PACRG: variants seen among roughly 807,000 people sequenced by gnomAD.
The protein encoded by PACRG is parkin coregulated.
PACRG carries 29 observed loss-of-function variants against 29.7 expected under a neutral mutation model. The ratio of observed to expected loss-of-function variants is 0.98; its 90% CI spans 0.73 to 1.33. The LOEUF is 1.33. PACRG is among the 40% of genes most tolerant of loss of function. The pLI is 0.00. For missense variants in PACRG, 279 were observed against 316.2 expected, an observed-to-expected ratio of 0.88 and a Z score of 0.89; for synonymous variants, 116 against 118.7, an observed-to-expected ratio of 0.98 and a Z score of 0.15.
intron 2 of PACRG, among the ~76,000 whole-genome samples, chr6:162,890,681 T>C (rs1794688103): frequency 6.6e-6 from 1 of 152,206 alleles, no homozygotes; most frequent in Non-Finnish European, 1.5e-5. Context: ...CCTGATTCTT[T>C]GGGTCATAGG....
chr6:162,833,283 A>G (rs1415666194), intron 2 of PACRG, among the ~76,000 whole-genome samples: 1 of 152,176 alleles, frequency 6.6e-6, no homozygotes, highest in Non-Finnish European at 1.5e-5. Flanking sequence ...ATACTTCCAT[A>G]TTTAGGCAAT....
chr6:163,094,060 AC>A (rs1814351800), intron 4 of PACRG, among the ~76,000 whole-genome samples: 1 of 152,138 alleles, frequency 6.6e-6, no homozygotes, highest in Non-Finnish European at 1.5e-5. Flanking sequence ...CTCCTTGATA[AC>A]CCTCCTTGAT....
chr6:162,999,604 A>C (rs1409339807), intron 2 of PACRG, among the ~76,000 whole-genome samples: 2 of 152,240 alleles, frequency 1.3e-5, no homozygotes, highest in African/African-American at 4.8e-5. Context: ...GTATTTCCTT[A>C]ACATTTTAGT....
intron 1 of PACRG, among the ~76,000 whole-genome samples, chr6:162,800,662 G>T (rs1785779515): frequency 6.6e-6 from 1 of 152,156 alleles, no homozygotes; most frequent in South Asian, 2.1e-4. Flanking sequence ...TGTTTCCATA[G>T]CCTGTTTGAA....
At chr6:162,966,946 T>G (rs1801088477) in intron 2 of PACRG, among the ~76,000 whole-genome samples, 1 of 152,198 alleles carries the variant, frequency 6.6e-6, no homozygotes, top group African/African-American at 2.4e-5. Context: ...ATCAAAATTA[T>G]ATGGATATTA....
At chr6:163,264,240 T>C (rs1783443984) in intron 4 of PACRG, among the ~76,000 whole-genome samples, 1 of 152,194 alleles carries the variant, frequency 6.6e-6, no homozygotes. Flanking sequence ...CTTCCCTGGA[T>C]TTTGGTGAAA....
At chr6:163,134,808 G>A (rs1176622084) in intron 4 of PACRG, among the ~76,000 whole-genome samples, 1 of 152,104 alleles carries the variant, frequency 6.6e-6, no homozygotes, top group Non-Finnish European at 1.5e-5. Context: ...CATTGAGACT[G>A]ATCTATGAAT....
intron 2 of PACRG, among the ~76,000 whole-genome samples, chr6:162,863,520 A>G (rs1464483696): frequency 1.3e-5 from 2 of 152,222 alleles, no homozygotes; most frequent in African/African-American, 2.4e-5. Context: ...ACAAAAGAGG[A>G]TGGCACTGCA....
intron 4 of PACRG, among the ~76,000 whole-genome samples, chr6:163,112,494 T>G (rs927435220): frequency 6.6e-6 from 1 of 152,094 alleles, no homozygotes; most frequent in African/African-American, 2.4e-5. Flanking sequence ...TGCAAGCCCC[T>G]CCCCCTCTGG....
Position 163,005,906 on chromosome 6 carries a change from T to TTA in PACRG, c.292-56235_292-56234dup, listed in dbSNP as rs1405093330. Among the ~76,000 whole-genome samples the TTA allele has an allele frequency of 3.4e-5, 5 of 147,412 alleles. No individual in the cohort carries two copies. In the East Asian group the frequency reaches 7.9e-4, roughly 23 times the overall value. On this transcript the variant is annotated intron_variant, in intron 2 of 4. Transcript: ENST00000366888. ...TATATATACAACGTAGTTATACGTG[T>TTA]TATATATATAACATGTATATATATA...
At chr6:163,211,566 C>T (rs1189325594) in intron 4 of PACRG, among the ~76,000 whole-genome samples, 2 of 151,906 alleles carry the variant, frequency 1.3e-5, no homozygotes, top group Non-Finnish European at 2.9e-5. Context: ...TTTACAGAAG[C>T]CTTTGGACAA....
At chr6:162,754,270 T>G (rs1283092632) in intron 1 of PACRG, among the ~76,000 whole-genome samples, 1 of 152,206 alleles carries the variant, frequency 6.6e-6, no homozygotes, top group Non-Finnish European at 1.5e-5. Flanking sequence ...TTGTCAGCCA[T>G]TTGTATCTCT....
chr6:162,751,161 T>C (rs866907256), intron 1 of PACRG, among the ~76,000 whole-genome samples: 1 of 152,126 alleles, frequency 6.6e-6, no homozygotes, highest in Non-Finnish European at 1.5e-5. Context: ...TGATTTTTTT[T>C]TTTACTCTTT....
intron 4 of PACRG, among the ~76,000 whole-genome samples, chr6:163,154,828 A>G (rs1778246031): frequency 1.3e-5 from 2 of 152,184 alleles, no homozygotes. Context: ...TCACACATAC[A>G]TGGTCTATGT....
intron 2 of PACRG, among the ~76,000 whole-genome samples, chr6:163,040,127 G>T (rs975775791): frequency 2.0e-5 from 3 of 152,330 alleles, no homozygotes; most frequent in African/African-American, 7.2e-5. Flanking sequence ...ATGGCATCCT[G>T]CATCCCAGCT....
chr6:162,972,913 T>A (rs1023449537), intron 2 of PACRG, among the ~76,000 whole-genome samples: 3 of 152,248 alleles, frequency 2.0e-5, no homozygotes, highest in African/African-American at 7.2e-5. Context: ...ATGTTCATTA[T>A]GGCATTTAGG....
chr6:162,768,468 T>C (rs1359380006), intron 1 of PACRG, among the ~76,000 whole-genome samples: 3 of 152,142 alleles, frequency 2.0e-5, no homozygotes. Flanking sequence ...TTAGAAACAT[T>C]ATTTATTGCA....
chr6:162,757,987 C>T (rs971508226), intron 1 of PACRG, among the ~76,000 whole-genome samples: 16 of 152,106 alleles, frequency 1.1e-4, no homozygotes, highest in African/African-American at 2.6e-4. Context: ...GTCAATAGTA[C>T]GAAAGTCTGA....
intron 3 of PACRG, among the ~76,000 whole-genome samples, chr6:163,074,521 G>A (rs554707556): frequency 1.3e-5 from 2 of 151,854 alleles, no homozygotes; most frequent in Non-Finnish European, 2.9e-5. Context: ...AGTTGAAAAC[G>A]ACTTAATCAT....
Sources: gnomAD v4.1 joint callset for allele counts (sites outside exome capture counted in the v4.1 genomes callset) on GRCh38, gnomAD v4.1.1 for gene constraint, MANE v1.5 for transcripts, NCBI Gene and HGNC (gene_info 2026-07-23, HGNC 2026-07-21) for gene names.